Variants in AVPI1 observed in about 807,000 individuals in gnomAD.
The protein encoded by AVPI1 is arginine vasopressin induced 1, also known as arginine vasopressin-induced protein 1.
Under a neutral mutation model 11.9 loss-of-function variants are expected in AVPI1, and 9 were observed. That is an observed-to-expected ratio of 0.76 (90% CI 0.46 to 1.32). The LOEUF (loss-of-function observed/expected upper bound fraction) is 1.32. Ranked by LOEUF, AVPI1 falls within the 40% of genes most tolerant of loss-of-function variation. AVPI1 has a pLI of 0.00. For missense variants in AVPI1, 207 were observed against 195.8 expected, an observed-to-expected ratio of 1.06 and a Z score of -0.34; for synonymous variants, 68 against 78.1, an observed-to-expected ratio of 0.87 and a Z score of 0.68.
chr10:97,680,059 A>G (rs2041696473), intron 1 of AVPI1, 144 bp from the exon 2 acceptor site: 4 of 794,764 alleles, frequency 5.0e-6, no homozygotes, highest in Non-Finnish European at 7.7e-6. Flanking sequence ...TCACTTAAGC[A>G]CTTATGTGTC....
chr10:97,678,952 T>TCGCC lies in AVPI1; in HGVS notation c.287+666_287+667insGGCG, dbSNP rs1564779912. On this transcript the variant is annotated intron_variant, in intron 2 of 2. Transcript: ENST00000370626. ...GTGTGTGTGTGTGTGTGTGTGTGTG[T>TCGCC]GTGTGTGTGTGTGTGTGTGTGTGTG... is the stretch of plus-strand genomic sequence containing the variant. Among the ~76,000 whole-genome samples the TCGCC allele has an allele frequency of 1.6e-3, 62 of 39,704 alleles. 9 individuals carry two copies. Among genetic ancestry groups the TCGCC allele is most frequent in the East Asian group, 0.013 (21 of 1,626 alleles). The allele number at this position is 39,704 out of a possible 152,430, so 26.0% of individuals were successfully genotyped here.
chr10:97,686,745 A>C (rs2041731758), intron 1 of AVPI1, 21 bp downstream of exon 1: 1 of 152,272 alleles, frequency 6.6e-6, no homozygotes. Context: ...TGCCCGGTGG[A>C]GAATTGGAGC....
intron 1 of AVPI1, among the ~76,000 whole-genome samples, chr10:97,683,360 T>C (rs1241825052): frequency 6.6e-6 from 1 of 152,228 alleles, no homozygotes; most frequent in Non-Finnish European, 1.5e-5. Flanking sequence ...GGTTTCACCA[T>C]GTTGGTCAGG....
chr10:97,682,652 C>T (rs1050191032), intron 1 of AVPI1, among the ~76,000 whole-genome samples: 5 of 152,124 alleles, frequency 3.3e-5, no homozygotes, highest in Admixed American at 6.5e-5. Flanking sequence ...TAGTCACCCT[C>T]ATTATCCCAA....
intron 1 of AVPI1, among the ~76,000 whole-genome samples, chr10:97,680,974 C>G (rs2041700527): frequency 6.6e-6 from 1 of 152,156 alleles, no homozygotes; most frequent in African/African-American, 2.4e-5. Context: ...TAAAGGATCT[C>G]CCTTGATTCT....
chr10:97,682,244 GA>G (rs2041708892), intron 1 of AVPI1, among the ~76,000 whole-genome samples: 1 of 152,152 alleles, frequency 6.6e-6, no homozygotes, highest in African/African-American at 2.4e-5. Context: ...GCCAGCTGAT[GA>G]CAGGCCTGTG....
At chr10:97,684,316 C>T (rs761916904) in intron 1 of AVPI1, among the ~76,000 whole-genome samples, 11 of 152,096 alleles carry the variant, frequency 7.2e-5, no homozygotes, top group Non-Finnish European at 1.6e-4. Context: ...GGCTTGGAGC[C>T]TGACTTCCCA....
chr10:97,686,645 A>G (rs912338978), intron 1 of AVPI1, 121 bp downstream of exon 1: 2 of 152,132 alleles, frequency 1.3e-5, no homozygotes, highest in Non-Finnish European at 2.9e-5. Context: ...AGCCTTTCGG[A>G]GGCTATCTGC....
chr10:97,682,298 A>T (rs2041709113), intron 1 of AVPI1, among the ~76,000 whole-genome samples: 2 of 152,156 alleles, frequency 1.3e-5, no homozygotes. Flanking sequence ...TGGGGAGAGG[A>T]GGAGCAGGTC....
At position 97,682,361 on chromosome 10, in the gene AVPI1, G is replaced by C. The variant is rs953251623; in HGVS notation, c.-10-2446C>G. 2.0e-5 allele frequency among the ~76,000 whole-genome samples: 3 copies of C among 152,210 alleles called. No individual in the cohort carries two copies. The South Asian group carries it at 6.2e-4, about 32-fold the overall frequency. Reference sequence around the variant, plus strand: ...TAAGTCAGACCTCATTCCACAGCCAGCTACAGAGACAGCTGTCAACAGCAA... The same window carrying C: ...TAAGTCAGACCTCATTCCACAGCCACCTACAGAGACAGCTGTCAACAGCAA... On this transcript the variant is annotated intron_variant, in intron 1 of 2. Transcript: ENST00000370626.
rs1174008791 is a variant in AVPI1 at position 97,681,750 on chromosome 10, C to T, written c.-10-1835G>A. Among the ~76,000 whole-genome samples the T allele has an allele frequency of 4.2e-5, 6 of 143,492 alleles. No individual in the cohort carries two copies. The East Asian group carries it at 1.0e-3, about 25-fold the overall frequency. 94.1% of individuals were successfully genotyped at this position (143,492 alleles called of 152,430 possible). A position where few individuals can be genotyped will look rare whatever the true frequency, so the allele number is the denominator to read the frequency against. On this transcript the variant is annotated intron_variant, in intron 1 of 2. Transcript: ENST00000370626. Reference sequence around the variant, plus strand: ...AAAATTAGCCGGGCGCGGTGGCGGGCGCCTGTAGTCCCAGCTACTCGGGAG... The same window carrying T: ...AAAATTAGCCGGGCGCGGTGGCGGGTGCCTGTAGTCCCAGCTACTCGGGAG...
rs1303064618 is a variant in AVPI1, at chr10:97,677,843, C to T, written c.*26G>A. On this transcript the variant is annotated 3_prime_UTR_variant, in exon 3 of 3. Transcript: ENST00000370626. Reference sequence around the variant, plus strand: ...AGGCCTTTTGGCAAGAGGGAAGACACTGCCATTCCTGGCTCTTTCCCTGGA... The same window carrying T: ...AGGCCTTTTGGCAAGAGGGAAGACATTGCCATTCCTGGCTCTTTCCCTGGA... 1.2e-6 allele frequency: 2 copies of T among 1,611,910 alleles called. No individual in the cohort carries two copies. Among genetic ancestry groups the T allele is most frequent in the Non-Finnish European group, 1.7e-6 (2 of 1,178,588 alleles).
Position 97,677,841 on chromosome 10 carries a change from C to CTTT in AVPI1, c.*27_*28insAAA, listed in dbSNP as rs1564779321. The CTTT allele has an allele frequency of 6.2e-7, 1 of 1,611,608 alleles. No individual in the cohort carries two copies. The highest frequency in any genetic ancestry group is 8.5e-7 in the Non-Finnish European group (1 of 1,178,306). ...CCAGGCCTTTTGGCAAGAGGGAAGA[C>CTTT]ACTGCCATTCCTGGCTCTTTCCCTG... On this transcript the variant is annotated 3_prime_UTR_variant, in exon 3 of 3. Coordinates refer to ENST00000370626, the MANE Select transcript of AVPI1 (RefSeq NM_021732.3).
rs569230799 is a variant in AVPI1 at position 97,680,476 on chromosome 10, G to A, written c.-10-561C>T. 1.5e-3 allele frequency among the ~76,000 whole-genome samples: 235 copies of A among 152,296 alleles called. 1 individual carries two copies. The highest frequency in any genetic ancestry group is 5.5e-3 in the African/African-American group (230 of 41,538). On this transcript the variant is annotated intron_variant, in intron 1 of 2. Transcript: ENST00000370626. The stretch of plus-strand genomic sequence containing the variant: ...AGAACCCAGGCCTCTCTGATGCTAA[G>A]GCCCAGGTGCCGTAGCACAAAGGTA...
In AVPI1 at chr10:97,681,720, T is replaced by C. The variant is rs56294915; in HGVS notation, c.-10-1805A>G. Among the ~76,000 whole-genome samples the C allele has an allele frequency of 1.8e-5, 2 of 110,492 alleles. 1 individual carries two copies. The highest frequency in any genetic ancestry group is 4.1e-5 in the Non-Finnish European group (2 of 48,334). 72.5% of individuals were successfully genotyped at this position (110,492 alleles called of 152,430 possible). On this transcript the variant is annotated intron_variant, in intron 1 of 2. Transcript: ENST00000370626. ...GTGAAACCCCGTCTCTACTAAAAAA[T>C]ACAAAAAATTAGCCGGGCGCGGTGG...
chr10:97,682,083 C>G (rs2041708066), intron 1 of AVPI1, among the ~76,000 whole-genome samples: 1 of 152,288 alleles, frequency 6.6e-6, no homozygotes, highest in South Asian at 2.1e-4. Context: ...ATGTAAGTGA[C>G]TTAAGCGTCC....
intron 2 of AVPI1, among the ~76,000 whole-genome samples, chr10:97,678,942 T>TTTTCAGAGACA (rs1564779858): frequency 7.7e-5 from 4 of 51,962 alleles, no homozygotes; most frequent in Admixed American, 2.5e-4. Flanking sequence ...TGTGTGTGTG[T>TTTTCAGAGACA]GTGTGTGTGT....
chr10:97,678,973 GTGTGTGTGTGTGTGTGTGTGTGTGTGTT>G, intron 2 of AVPI1, among the ~76,000 whole-genome samples: 1 of 106,194 alleles, frequency 9.4e-6, no homozygotes, highest in Non-Finnish European at 1.9e-5. Context: ...GTGTGTGTGT[GTGTGTGTGTGTGTGTGTGTGTGTGTGTT>G]TTCAGAGACA....
intron 1 of AVPI1, among the ~76,000 whole-genome samples, chr10:97,682,630 T>C (rs2041710524): frequency 6.6e-6 from 1 of 151,764 alleles, no homozygotes; most frequent in South Asian, 2.1e-4. Context: ...CCTTCTCCGC[T>C]CCTCACCTCA....
Sources: allele counts gnomAD v4.1 joint callset (sites outside exome capture counted in the v4.1 genomes callset), GRCh38; gene constraint gnomAD v4.1.1; transcripts MANE v1.5; gene names NCBI Gene and HGNC (gene_info 2026-07-23, HGNC 2026-07-21).